Variants in CHORDC1 observed in about 807,000 individuals in gnomAD.
CHORDC1 encodes cysteine and histidine rich domain containing 1, also known as cysteine and histidine-rich domain-containing protein 1.
A neutral mutation model predicts 48.3 loss-of-function variants in CHORDC1; 25 were observed. The observed-to-expected ratio is 0.52, with a 90% CI of 0.38 to 0.72. CHORDC1 has a LOEUF of 0.72. Ranked by LOEUF, CHORDC1 falls within the 30% of genes least tolerant of loss-of-function variation. CHORDC1 has a pLI of 0.00. For missense variants in CHORDC1, 317 were observed against 388.7 expected, an observed-to-expected ratio of 0.82 and a Z score of 1.55; for synonymous variants, 128 against 126.4, an observed-to-expected ratio of 1.01 and a Z score of -0.09.
chr11:90,200,877 G>T lies in CHORDC1; in HGVS notation c.*1528C>A, dbSNP rs543468671. 6.6e-6 allele frequency among the ~76,000 whole-genome samples: 1 copy of T among 151,930 alleles called. No individual in the cohort carries two copies. The highest frequency in any genetic ancestry group is 2.4e-5 in the African/African-American group (1 of 41,496). On this transcript the variant is annotated 3_prime_UTR_variant, in exon 11 of 11. Coordinates refer to ENST00000320585, the MANE Select transcript of CHORDC1 (RefSeq NM_012124.3). ...CCATAAAGACTTCATGTCTCTAAAT[G>T]GTTCCTAAATCATGGAAGATAACTT...
chr11:90,216,221 C>T (rs1858008337), intron 2 of CHORDC1, among the ~76,000 whole-genome samples: 1 of 152,032 alleles, frequency 6.6e-6, no homozygotes, highest in Non-Finnish European at 1.5e-5. Context: ...TAATCATGTA[C>T]TAAATTATGT....
rs1205123672 is a variant in CHORDC1 at position 90,211,423 on chromosome 11, G to GT, written c.330-106dup. The stretch of plus-strand genomic sequence containing the variant: ...CTTTCTGAGAAGCCAAATGCTTTGT[G>GT]TATCAAATGATTCCCATTAAAAGGT... On this transcript the variant is annotated intron_variant, in intron 4 of 10. Coordinates refer to ENST00000320585, the MANE Select transcript of CHORDC1 (RefSeq NM_012124.3). 7 of 718,992 alleles carry GT rather than the reference G, an allele frequency of 9.7e-6. No individual in the cohort carries two copies. In the African/African-American group the frequency reaches 1.1e-4, roughly 11 times the overall value. The allele number at this position is 718,992 out of a possible 1,614,324, so 44.5% of individuals were successfully genotyped here.
chr11:90,213,337 A>C (rs1219622020), intron 4 of CHORDC1: 1 of 143,292 alleles, frequency 7.0e-6, no homozygotes, highest in Non-Finnish European at 1.2e-5. Flanking sequence ...TTGCAGCCAA[A>C]AAAAAAAAAA....
intron 6 of CHORDC1, chr11:90,208,039 C>T (rs1022108060): frequency 4.0e-5 from 6 of 150,840 alleles, no homozygotes; most frequent in African/African-American, 7.3e-5. Context: ...GCTGAACTAA[C>T]TGATAAGTAT....
At chr11:90,211,971 G>A (rs1857878171) in intron 4 of CHORDC1, 1 of 152,122 alleles carries the variant, frequency 6.6e-6, no homozygotes, top group African/African-American at 2.4e-5. Flanking sequence ...TATCCTCGAT[G>A]AAAAAACTGA....
Position 90,202,383 on chromosome 11 carries a change from T to C in CHORDC1, c.*22A>G, listed in dbSNP as rs1857561841. 6.2e-7 allele frequency: 1 copy of C among 1,608,192 alleles called. No individual in the cohort carries two copies. Among genetic ancestry groups the C allele is most frequent in the South Asian group, 1.1e-5 (1 of 90,778 alleles). Reference sequence around the variant, plus strand: ...TATTAAAAATTCGGAAATAATGTAATAGCCTTCCTTCCATCTCCCACTCAA... The same window carrying C: ...TATTAAAAATTCGGAAATAATGTAACAGCCTTCCTTCCATCTCCCACTCAA... On this transcript the variant is annotated 3_prime_UTR_variant, in exon 11 of 11. Transcript: ENST00000320585.
Position 90,202,827 on chromosome 11 carries a change from C to T in CHORDC1, c.838G>A (p.Val280Met), listed in dbSNP as rs780148784. Residue 280 changes from valine (V) to methionine (M), a missense_variant, in exon 10 of 11, where the codon GTG becomes ATG. Coordinates refer to ENST00000320585, the MANE Select transcript of CHORDC1 (RefSeq NM_012124.3). ...GTAATACTTACACCCCATAATTTCA[C>T]ATTTTGATCAAATTCCTTCTCTCCT... ...FEGEKEFDQNVKLWGVIDVKR... is the reference protein window; with the variant it reads ...FEGEKEFDQNMKLWGVIDVKR... The T allele has an allele frequency of 6.9e-6, 11 of 1,600,652 alleles. No homozygotes were observed. In the East Asian group the frequency reaches 2.5e-4, roughly 36 times the overall value.
At chr11:90,207,761 C>CAAAAAAAAAAAAAAAAAAAAAAAAAA (rs71055890) in intron 6 of CHORDC1, 6 of 52,756 alleles carry the variant, frequency 1.1e-4, no homozygotes, top group South Asian at 1.0e-3. Context: ...GGTTAAAATA[C>CAAAAAAAAAAAAAAAAAAAAAAAAAA]AAAAAAAAAA....
At chr11:90,210,739 T>A (rs1857837850) in intron 5 of CHORDC1, 145 bp from the exon 6 acceptor site, 2 of 604,048 alleles carry the variant, frequency 3.3e-6, no homozygotes, top group East Asian at 2.8e-5. Context: ...CAAATTGATA[T>A]ATGACACATT....
At chr11:90,220,841 G>C (rs142198317) in intron 1 of CHORDC1, among the ~76,000 whole-genome samples, 1 of 152,006 alleles carries the variant, frequency 6.6e-6, no homozygotes, top group African/African-American at 2.4e-5. Context: ...TGAGCTACTC[G>C]CTAGTAGTTC....
chr11:90,210,505 C>T lies in CHORDC1; in HGVS notation c.492+31G>A, dbSNP rs760711817. On this transcript the variant is annotated intron_variant, in intron 6 of 10. Transcript: ENST00000320585. ...TTTCCTCAAAATTAAAATTTTACTT[C>T]ATAACACATCACAAATCTTGTGATA... is the stretch of plus-strand genomic sequence containing the variant. 4.2e-6 allele frequency: 6 copies of T among 1,443,872 alleles called. No individual in the cohort carries two copies. In the African/African-American group the frequency reaches 8.5e-5, roughly 20 times the overall value. 89.4% of individuals were successfully genotyped at this position (1,443,872 alleles called of 1,614,324 possible).
intron 6 of CHORDC1, chr11:90,209,473 C>T (rs1160555396): frequency 2.0e-5 from 3 of 152,128 alleles, no homozygotes; most frequent in Non-Finnish European, 2.9e-5. Context: ...TCATTCTACA[C>T]GCACTGTTCT....
At chr11:90,205,145 AAAAC>A (rs1477070477) in intron 8 of CHORDC1, among the ~76,000 whole-genome samples, 1 of 152,320 alleles carries the variant, frequency 6.6e-6, no homozygotes, top group East Asian at 1.9e-4. Context: ...TAATTTTTAA[AAAAC>A]AAAAAGTAGG....
At chr11:90,203,270 G>GA in intron 9 of CHORDC1, 38 bp downstream of exon 9, 1 of 1,527,844 alleles carries the variant, frequency 6.5e-7, no homozygotes, top group Non-Finnish European at 8.9e-7. Context: ...ATGATGTATA[G>GA]AAAAGAACTT....
At chr11:90,205,100 T>C (rs1216640180) in intron 8 of CHORDC1, among the ~76,000 whole-genome samples, 1 of 116,206 alleles carries the variant, frequency 8.6e-6, no homozygotes, top group Non-Finnish European at 1.9e-5. Context: ...ATAACAGAGG[T>C]CTAAACGTTT....
intron 6 of CHORDC1, chr11:90,206,902 A>C: frequency 2.1e-6 from 1 of 466,202 alleles, no homozygotes; most frequent in Non-Finnish European, 3.8e-6. Context: ...ACTACCTACA[A>C]ACAGAAAATA....
chr11:90,215,125 T>A, intron 3 of CHORDC1, 49 bp downstream of exon 3: 1 of 1,088,040 alleles, frequency 9.2e-7, no homozygotes, highest in Non-Finnish European at 1.3e-6. Context: ...AAGCTTTCTA[T>A]AACATGTATT....
intron 6 of CHORDC1, chr11:90,207,574 G>A (rs1049648800): frequency 2.6e-5 from 4 of 151,852 alleles, no homozygotes; most frequent in Admixed American, 6.6e-5. Context: ...AAGAGTCACA[G>A]CTAAAATATA....
intron 8 of CHORDC1, 43 bp downstream of exon 8, chr11:90,205,417 A>G (rs1202954259): frequency 9.1e-7 from 1 of 1,094,518 alleles, no homozygotes; most frequent in East Asian, 2.4e-5. Flanking sequence ...AATGACTCAG[A>G]TGAATATAAA....
Sources: allele counts gnomAD v4.1 joint callset (sites outside exome capture counted in the v4.1 genomes callset), GRCh38; gene constraint gnomAD v4.1.1; transcripts MANE v1.5; gene names NCBI Gene and HGNC (gene_info 2026-07-23, HGNC 2026-07-21).